Variants in SFXN5 observed in about 807,000 individuals in gnomAD.
The protein encoded by SFXN5 is sideroflexin-5.
SFXN5 carries 43 observed loss-of-function variants against 50.2 expected under a neutral mutation model. The ratio of observed to expected loss-of-function variants is 0.86; its 90% CI spans 0.67 to 1.11. The LOEUF (loss-of-function observed/expected upper bound fraction) is 1.11. Among genes scored for constraint, SFXN5 ranks in the 50% least tolerant of loss-of-function variants. SFXN5 has a pLI of 0.00. For synonymous variants in SFXN5, 203 were observed against 185.8 expected (o/e 1.09, Z -0.75); for missense variants, 463 against 454.1 (o/e 1.02, Z -0.18).
At chr2:73,031,122 T>C (rs900314462) in intron 3 of SFXN5, among the ~76,000 whole-genome samples, 3 of 152,190 alleles carry the variant, frequency 2.0e-5, no homozygotes, top group African/African-American at 4.8e-5. Context: ...CCATGTCCTA[T>C]TGTGTTGTCC....
intron 6 of SFXN5, among the ~76,000 whole-genome samples, chr2:73,003,002 C>A (rs1010643487): frequency 3.3e-5 from 5 of 152,212 alleles, no homozygotes; most frequent in Non-Finnish European, 5.9e-5. Flanking sequence ...TAGTAGGTGT[C>A]AAGTCAACAG....
At chr2:73,062,767 T>C (rs746575419) in intron 1 of SFXN5, among the ~76,000 whole-genome samples, 3 of 152,194 alleles carry the variant, frequency 2.0e-5, no homozygotes, top group African/African-American at 4.8e-5. Flanking sequence ...CGAAGTATAC[T>C]GGGGACACAC....
chr2:72,968,122 AACACACACACACACACACACACACAC>A (rs34361357), intron 12 of SFXN5, among the ~76,000 whole-genome samples: 4 of 137,214 alleles, frequency 2.9e-5, no homozygotes, highest in Admixed American at 2.2e-4. Flanking sequence ...CACACATGAA[AACACACACACACACACACACACACAC>A]ACACACACAC....
chr2:72,992,795 G>T lies in SFXN5; in HGVS notation c.535-4447C>A, dbSNP rs185952296. On this transcript the variant is annotated intron_variant, in intron 9 of 13. Coordinates refer to ENST00000272433, the MANE Select transcript of SFXN5 (RefSeq NM_144579.3). This position sits in a 1 kb window ranked among gnomAD's most constrained non-coding sequence, Gnocchi z 4.5. The stretch of plus-strand genomic sequence containing the variant: ...ATCCATCTGCTCTCTACAGCAGTCG[G>T]AGTGAAGTCTGAAAACATGGCGACT... 6.6e-6 allele frequency among the ~76,000 whole-genome samples: 1 copy of T among 152,306 alleles called. No individual in the cohort carries two copies. The highest frequency in any genetic ancestry group is 6.5e-5 in the Admixed American group (1 of 15,290).
rs369303475 is a variant in SFXN5, at chr2:73,071,243, G to C, written c.102+361C>G. 4.3e-3 allele frequency: 1,045 copies of C among 243,114 alleles called. 16 individuals carry two copies. The highest frequency in any genetic ancestry group is 0.02 in the African/African-American group (862 of 43,608). 15.1% of individuals were successfully genotyped at this position (243,114 alleles called of 1,614,324 possible). ...GGGCCAGACTAGAACTTTGCGTCCC[G>C]GGCGGGCAGCTGCACAACCCGGAGC... On this transcript the variant is annotated intron_variant, in intron 1 of 13. Coordinates refer to ENST00000272433, the MANE Select transcript of SFXN5 (RefSeq NM_144579.3).
intron 2 of SFXN5, among the ~76,000 whole-genome samples, chr2:73,048,042 A>G (rs867060493): frequency 1.3e-5 from 2 of 152,252 alleles, no homozygotes; most frequent in African/African-American, 4.8e-5. Context: ...AAAACTGCTC[A>G]TATACTCATA....
intron 3 of SFXN5, among the ~76,000 whole-genome samples, chr2:73,032,216 C>G (rs954489368): frequency 1.3e-5 from 2 of 152,194 alleles, no homozygotes; most frequent in Non-Finnish European, 2.9e-5. Context: ...AAGAGTTCAA[C>G]GTCTTCTCAC....
At chr2:73,070,340 T>TTCAGACG (rs1362274661) in intron 1 of SFXN5, 1 of 152,188 alleles carries the variant, frequency 6.6e-6, no homozygotes, top group Non-Finnish European at 1.5e-5. Flanking sequence ...GGACATTTTT[T>TTCAGACG]TCAGACGGCT....
intron 6 of SFXN5, among the ~76,000 whole-genome samples, chr2:73,017,292 T>C (rs1194605072): frequency 6.6e-6 from 1 of 152,180 alleles, no homozygotes; most frequent in East Asian, 1.9e-4. Context: ...GTGGAACTTT[T>C]ATGAGTGTAT....
chr2:72,948,956 A>C (rs1316822080), intron 13 of SFXN5, among the ~76,000 whole-genome samples: 1 of 152,166 alleles, frequency 6.6e-6, no homozygotes, highest in Non-Finnish European at 1.5e-5. Flanking sequence ...TTGGCTGGTG[A>C]ATGCAGATGG....
intron 12 of SFXN5, among the ~76,000 whole-genome samples, chr2:72,967,478 T>C (rs1042126352): frequency 6.6e-6 from 1 of 152,128 alleles, no homozygotes; most frequent in African/African-American, 2.4e-5. Flanking sequence ...GGGGGTGGCA[T>C]TCGGGCAGAG....
At chr2:73,036,127 C>T (rs183509409) in intron 3 of SFXN5, among the ~76,000 whole-genome samples, 2 of 152,220 alleles carry the variant, frequency 1.3e-5, no homozygotes, top group Non-Finnish European at 2.9e-5. Context: ...AGACTGAGAA[C>T]AAGAACCACC....
At chr2:72,995,031 T>A (rs1673047018) in intron 9 of SFXN5, 1 of 152,162 alleles carries the variant, frequency 6.6e-6, no homozygotes, top group Non-Finnish European at 1.5e-5. Context: ...TGGGGTCACC[T>A]TCATCATAAT....
chr2:73,019,113 C>T (rs1676512917), intron 6 of SFXN5, among the ~76,000 whole-genome samples: 1 of 152,114 alleles, frequency 6.6e-6, no homozygotes, highest in South Asian at 2.1e-4. Flanking sequence ...CAGAAAAGAA[C>T]AAACGAATGT....
At chr2:73,047,086 G>T (rs759180684) in intron 2 of SFXN5, among the ~76,000 whole-genome samples, 1 of 149,072 alleles carries the variant, frequency 6.7e-6, no homozygotes, top group African/African-American at 2.5e-5. Flanking sequence ...TTAGCTGGAC[G>T]TGGTGGCAGG....
At position 72,950,945 on chromosome 2, in the gene SFXN5, C is replaced by T. The variant is rs944946259; in HGVS notation, c.946-5846G>A. 3.7e-4 allele frequency among the ~76,000 whole-genome samples: 57 copies of T among 152,304 alleles called. No homozygotes were observed. Among genetic ancestry groups the T allele is most frequent in the African/African-American group, 1.4e-3 (57 of 41,576 alleles). On this transcript the variant is annotated intron_variant, in intron 13 of 13. Transcript: ENST00000272433. This position sits in a 1 kb window ranked among gnomAD's most constrained non-coding sequence, Gnocchi z 4.2. Reference sequence around the variant, plus strand: ...GAAGGGGTGGCCCAGGCCCAGGCAGCCAGCTCGGGGCGGGCTGGAATCCGT... The same window carrying T: ...GAAGGGGTGGCCCAGGCCCAGGCAGTCAGCTCGGGGCGGGCTGGAATCCGT...
intron 7 of SFXN5, among the ~76,000 whole-genome samples, chr2:73,000,983 A>G (rs1238825415): frequency 6.6e-6 from 1 of 152,212 alleles, no homozygotes; most frequent in African/African-American, 2.4e-5. Context: ...CTCCTAGAAG[A>G]CAGACAGGTT....
chr2:72,999,874 A>G (rs540001569), intron 8 of SFXN5, among the ~76,000 whole-genome samples: 1 of 152,304 alleles, frequency 6.6e-6, no homozygotes, highest in Non-Finnish European at 1.5e-5. Flanking sequence ...GCAGGGGCCC[A>G]GCAGCCCTTC....
At position 72,949,187 on chromosome 2, in the gene SFXN5, G is replaced by A. The variant is rs998871549; in HGVS notation, c.946-4088C>T. Among the ~76,000 whole-genome samples the A allele has an allele frequency of 3.9e-5, 6 of 152,272 alleles. No homozygotes were observed. In the East Asian group the frequency reaches 1.2e-3, roughly 29 times the overall value. The stretch of plus-strand genomic sequence containing the variant: ...TGGGAGGCGGGGCAATGTTGGACTT[G>A]GAAATGTGGCAGGAAATGGAGGTGT... On this transcript the variant is annotated intron_variant, in intron 13 of 13. Transcript: ENST00000272433.
Sources: allele counts gnomAD v4.1 joint callset (sites outside exome capture counted in the v4.1 genomes callset), GRCh38; gene constraint gnomAD v4.1.1; non-coding constraint Gnocchi (gnomAD v3.1); transcripts MANE v1.5; gene names NCBI Gene and HGNC (gene_info 2026-07-23, HGNC 2026-07-21).